Variants in AMHR2 observed in about 807,000 individuals in gnomAD.
AMHR2 encodes the protein anti-Muellerian hormone type-2 receptor.
Under a neutral mutation model 61.4 loss-of-function variants are expected in AMHR2, and 36 were observed. The observed-to-expected ratio is 0.59, with a 90% CI of 0.45 to 0.77. The LOEUF is 0.77. Ranked by LOEUF, AMHR2 falls within the 30% of genes least tolerant of loss-of-function variation. The pLI, the probability that AMHR2 is intolerant of heterozygous loss-of-function variation, is 0.00. For missense variants in AMHR2, 638 were observed against 714.6 expected (o/e 0.89, Z 1.22); for synonymous variants, 258 against 279.4 (o/e 0.92, Z 0.76).
chr12:53,425,183 C>T lies in AMHR2; in HGVS notation c.443C>T (p.Ala148Val), dbSNP rs1218058554. 3 of 1,613,946 alleles carry T rather than the reference C, an allele frequency of 1.9e-6. 1 individual carries two copies. The highest frequency in any genetic ancestry group is 2.2e-5 in the South Asian group (2 of 91,082). The change falls in exon 4 of 11, where the codon GCA becomes GTA. Residue 148 changes from alanine to valine, a missense_variant. Coordinates refer to ENST00000257863, the MANE Select transcript of AMHR2 (RefSeq NM_020547.3). ...QAAPGESIWMALVLLGLFLLL... is the reference protein window; with the variant it reads ...QAAPGESIWMVLVLLGLFLLL... ...TGTCCAGGTGAGTCCATCTGGATGG[C>T]ACTGGTGCTGCTGGGGCTGTTCCTC...
Position 53,425,992 on chromosome 12 carries a change from C to T in AMHR2, c.852+73C>T, listed in dbSNP as rs1464660234. 6.3e-6 allele frequency: 9 copies of T among 1,424,132 alleles called. No homozygotes were observed. The Admixed American group carries it at 1.4e-4, about 22-fold the overall frequency. 88.2% of individuals were successfully genotyped at this position (1,424,132 alleles called of 1,614,324 possible). On this transcript the variant is annotated intron_variant, in intron 6 of 10. Transcript: ENST00000257863. ...TATAGAGGTGGGGGCTACATGGCAGCTGGGCCCTGTTGATTGCTTCTGCTT... is the reference window on the plus strand; with the variant it reads ...TATAGAGGTGGGGGCTACATGGCAGTTGGGCCCTGTTGATTGCTTCTGCTT...
At chr12:53,429,674 T>G in intron 8 of AMHR2, 49 bp downstream of exon 8, 1 of 1,607,548 alleles carries the variant, frequency 6.2e-7, no homozygotes, top group East Asian at 2.2e-5. Context: ...TTGGTGCTGC[T>G]GATGGCAATG....
rs1449218285 is a variant in AMHR2 at position 53,425,445 on chromosome 12, T to A, written c.503-10T>A. The stretch of plus-strand genomic sequence containing the variant: ...TTGCACCCTGACCCTAAGGCTCTTG[T>A]CTGTTCCAGCCCTGCTACAGCGAAA... On this transcript the variant is annotated splice_polypyrimidine_tract_variant and intron_variant, in intron 4 of 10. Transcript: ENST00000257863. The A allele has an allele frequency of 6.2e-7, 1 of 1,613,696 alleles. No individual in the cohort carries two copies. The highest frequency in any genetic ancestry group is 1.1e-5 in the South Asian group (1 of 91,086).
At chr12:53,430,499 C>T in intron 10 of AMHR2, 1 of 685,672 alleles carries the variant, frequency 1.5e-6, no homozygotes, top group Non-Finnish European at 2.5e-6. Context: ...CTACCTGAGA[C>T]ACACACCTTC....
In AMHR2 at chr12:53,431,479, C is replaced by T; in HGVS notation, c.*6C>T. 1.9e-6 allele frequency: 3 copies of T among 1,614,184 alleles called. No homozygotes were observed. Among genetic ancestry groups the T allele is most frequent in the Non-Finnish European group, 2.5e-6 (3 of 1,180,026 alleles). On this transcript the variant is annotated 3_prime_UTR_variant, in exon 11 of 11. Coordinates refer to ENST00000257863, the MANE Select transcript of AMHR2 (RefSeq NM_020547.3). ...GTACCCTTTCTCCTGTGTAAATATGCAGTTTATGTGTCATCAATGTACATG... is the reference window on the plus strand; with the variant it reads ...GTACCCTTTCTCCTGTGTAAATATGTAGTTTATGTGTCATCAATGTACATG...
intron 3 of AMHR2, 97 bp downstream of exon 3, chr12:53,424,997 C>T (rs574091089): frequency 1.2e-5 from 18 of 1,551,570 alleles, no homozygotes; most frequent in African/African-American, 5.4e-5. Flanking sequence ...TCCCGCCCCA[C>T]GCTTTCCTCC....
Position 53,425,184 on chromosome 12 carries a change from A to T in AMHR2, c.444A>T (p.Ala148=). Residue 148 remains alanine (A), a synonymous_variant, in exon 4 of 11, where the codon GCA becomes GCT. Transcript: ENST00000257863. ...GTCCAGGTGAGTCCATCTGGATGGCACTGGTGCTGCTGGGGCTGTTCCTCC... is the reference window on the plus strand; with the variant it reads ...GTCCAGGTGAGTCCATCTGGATGGCTCTGGTGCTGCTGGGGCTGTTCCTCC... ...QAAPGESIWM[A]LVLLGLFLLL... The T allele has an allele frequency of 6.2e-7, 1 of 1,613,904 alleles. No homozygotes were observed. Among genetic ancestry groups the T allele is most frequent in the African/African-American group, 1.3e-5 (1 of 74,982 alleles).
At chr12:53,425,334 G>T (rs1408739710) in intron 4 of AMHR2, 92 bp downstream of exon 4, 1 of 1,606,826 alleles carries the variant, frequency 6.2e-7, no homozygotes, top group African/African-American at 1.3e-5. Context: ...CCATGGTCTT[G>T]GGATCTCTAT....
intron 9 of AMHR2, 65 bp downstream of exon 9, chr12:53,430,043 C>A: frequency 6.2e-7 from 1 of 1,614,156 alleles, no homozygotes; most frequent in Non-Finnish European, 8.5e-7. Context: ...TTCACCCCAA[C>A]CTGACCTGGC....
At chr12:53,429,344 A>T (rs2136966564) in intron 7 of AMHR2, 109 bp from the exon 8 acceptor site, 2 of 1,232,674 alleles carry the variant, frequency 1.6e-6, no homozygotes. Flanking sequence ...GTGAGCCGAG[A>T]TCGCGACACT....
intron 6 of AMHR2, among the ~76,000 whole-genome samples, chr12:53,427,442 G>T (rs1438085532): frequency 6.6e-6 from 1 of 152,132 alleles, no homozygotes; most frequent in Non-Finnish European, 1.5e-5. Context: ...GTCTCATTCT[G>T]TTGACTAGGC....
rs1179422182 is a variant in AMHR2 at position 53,425,830 on chromosome 12, G to A, written c.763G>A (p.Asp255Asn). ...GTACGAACTTCCAGGCCTACAGCAC[G>A]ACCACATTGTCCGATTTATCACTGC... ...ALYELPGLQH[D>N]HIVRFITASR... is the part of the protein sequence containing the mutation. Residue 255 changes from aspartate to asparagine, a missense_variant, in exon 6 of 11, where the codon GAC becomes AAC. Transcript: ENST00000257863. 21 of 1,613,958 alleles carry A rather than the reference G, an allele frequency of 1.3e-5. No individual in the cohort carries two copies. The highest frequency in any genetic ancestry group is 2.7e-5 in the African/African-American group (2 of 74,892).
At position 53,425,558 on chromosome 12, in the gene AMHR2, G is replaced by A. The variant is rs1239529982; in HGVS notation, c.606G>A (p.Glu202=). ...DWSVELQELP[E]LCFSQVIREG... ...GTGTGGAGCTGCAGGAGCTGCCTGA[G>A]CTGTGTTTCTCCCAGGTGCCCCAGG... Residue 202 remains glutamate (E), a synonymous_variant, in exon 5 of 11, where the codon GAG becomes GAA. Coordinates refer to ENST00000257863, the MANE Select transcript of AMHR2 (RefSeq NM_020547.3). 14 of 1,614,002 alleles carry A rather than the reference G, an allele frequency of 8.7e-6. No homozygotes were observed. Among genetic ancestry groups the A allele is most frequent in the Non-Finnish European group, 9.3e-6 (11 of 1,180,022 alleles).
chr12:53,429,500 G>A lies in AMHR2; in HGVS notation c.1015G>A (p.Val339Met). 1 of 1,613,702 alleles carries A rather than the reference G, an allele frequency of 6.2e-7. No homozygotes were observed. Among genetic ancestry groups the A allele is most frequent in the Non-Finnish European group, 8.5e-7 (1 of 1,179,958 alleles). Reference protein sequence around the residue: ...IAHRDLSSQNVLIREDGSCAI... With the variant: ...IAHRDLSSQNMLIREDGSCAI... Reference sequence around the variant, plus strand: ...CCACCGAGATCTGAGCAGCCAGAATGTGCTCATTCGGGAAGATGGATCGTG... The same window carrying A: ...CCACCGAGATCTGAGCAGCCAGAATATGCTCATTCGGGAAGATGGATCGTG... Residue 339 changes from valine (V) to methionine (M), a missense_variant, in exon 8 of 11, where the codon GTG (valine) becomes ATG (methionine). Coordinates refer to ENST00000257863, the MANE Select transcript of AMHR2 (RefSeq NM_020547.3).
chr12:53,425,586 G>T lies in AMHR2; in HGVS notation c.621+13G>T. On this transcript the variant is annotated intron_variant, in intron 5 of 10. Transcript: ENST00000257863. ...GTGTTTCTCCCAGGTGCCCCAGGGA[G>T]GGAGAGAAGGGCTCCTCTGGGCACT... is the stretch of plus-strand genomic sequence containing the variant. 1 of 1,613,658 alleles carries T rather than the reference G, an allele frequency of 6.2e-7. No homozygotes were observed. The highest frequency in any genetic ancestry group is 8.5e-7 in the Non-Finnish European group (1 of 1,179,814).
rs1416344068 is a variant in AMHR2 at position 53,424,441 on chromosome 12, C to A, written c.203C>A (p.Thr68Asn). The A allele has an allele frequency of 2.5e-6, 4 of 1,613,356 alleles. No homozygotes were observed. The Admixed American group carries it at 5.0e-5, about 20-fold the overall frequency. The change falls in exon 2 of 11, where the codon ACC (threonine) becomes AAC (asparagine). Residue 68 changes from threonine to asparagine, a missense_variant. Physicochemically the swap from Thr to Asn is moderately conservative, Grantham distance 65. Transcript: ENST00000257863. ...TGCTGCTTTGGGATCTGGAACCTGA[C>A]CCAAGACCGGGCACAGGTGGAAATG... The part of the protein sequence containing the change: ...SRCCFGIWNL[T>N]QDRAQVEMQG...
intron 3 of AMHR2, 99 bp from the exon 4 acceptor site, chr12:53,425,066 G>C: frequency 5.6e-6 from 9 of 1,599,406 alleles, no homozygotes; most frequent in Non-Finnish European, 7.6e-6. Context: ...CTTGTGACCA[G>C]GGTGGGGGTG....
chr12:53,429,052 T>A (rs1939869762), intron 7 of AMHR2, 42 bp downstream of exon 7: 1 of 1,481,030 alleles, frequency 6.8e-7, no homozygotes, highest in Non-Finnish European at 9.2e-7. Flanking sequence ...GCCACAGTGC[T>A]ATGTTTGTGA....
intron 2 of AMHR2, 69 bp downstream of exon 2, chr12:53,424,539 C>A: frequency 6.3e-7 from 1 of 1,581,502 alleles, no homozygotes. Flanking sequence ...GTGTGGGTGG[C>A]AACCAAGGGG....
Sources: allele counts gnomAD v4.1 joint callset (sites outside exome capture counted in the v4.1 genomes callset), GRCh38; gene constraint gnomAD v4.1.1; transcripts MANE v1.5; gene names NCBI Gene and HGNC (gene_info 2026-07-23, HGNC 2026-07-21).